The following SRGAP2C variants were observed in gnomAD, a reference collection of about 807,000 sequenced individuals.
SRGAP2C encodes the protein SLIT-ROBO Rho GTPase activating protein 2C.
In SRGAP2C, 15 loss-of-function variants were observed where a neutral mutation model predicts 25.1. The observed-to-expected ratio is 0.60, with a 90% CI of 0.40 to 0.92. The LOEUF is 0.92. Ranked by LOEUF, SRGAP2C falls within the 40% of genes least tolerant of loss-of-function variation. SRGAP2C has a pLI of 0.00. For synonymous variants in SRGAP2C, 44 were observed against 96.6 expected (o/e 0.46, Z 3.19); for missense variants, 144 against 264.4 (o/e 0.54, Z 3.16).
chr1:121,316,501 ATTAC>A (rs1658102082), intron 3 of SRGAP2C, among the ~76,000 whole-genome samples: 1 of 65,888 alleles, frequency 1.5e-5, no homozygotes, highest in Non-Finnish European at 2.9e-5. Context: ...ATGTGCTATA[ATTAC>A]TTATAGGGCT....
chr1:121,195,227 A>G (rs1170638715), intron 2 of SRGAP2C, among the ~76,000 whole-genome samples: 3 of 152,190 alleles, frequency 2.0e-5, no homozygotes, highest in Non-Finnish European at 2.9e-5. Context: ...CCTGGCCAAC[A>G]TGGTAAAACC....
intron 4 of SRGAP2C, among the ~76,000 whole-genome samples, chr1:121,336,071 G>T (rs1421390431): frequency 1.3e-5 from 2 of 151,666 alleles, no homozygotes; most frequent in Non-Finnish European, 2.9e-5. Context: ...CCTTTCTGGG[G>T]TTTCCATGGG....
At chr1:121,320,835 C>T (rs1293085381) in intron 3 of SRGAP2C, among the ~76,000 whole-genome samples, 44 of 152,062 alleles carry the variant, frequency 2.9e-4, no homozygotes, top group Non-Finnish European at 4.1e-4. Context: ...TAATAGGCAT[C>T]GCAACAACTG....
intron 2 of SRGAP2C, among the ~76,000 whole-genome samples, chr1:121,279,682 T>C (rs1657197521): frequency 7.0e-6 from 1 of 142,046 alleles, no homozygotes; most frequent in South Asian, 2.3e-4. Flanking sequence ...AGGCAGCATT[T>C]CCCAGGGGAA....
chr1:121,263,412 CAG>C (rs1656679047), intron 2 of SRGAP2C, among the ~76,000 whole-genome samples: 1 of 110,536 alleles, frequency 9.0e-6, no homozygotes, highest in Non-Finnish European at 1.7e-5. Flanking sequence ...GCCTGGGCGA[CAG>C]AGTGAGACTC....
At chr1:121,232,604 C>T (rs587684056) in intron 2 of SRGAP2C, among the ~76,000 whole-genome samples, 356 of 145,594 alleles carry the variant, frequency 2.4e-3, no homozygotes, top group Middle Eastern at 3.6e-3. Flanking sequence ...GCATAAAGCC[C>T]GTGGTTTTGC....
At chr1:121,294,275 T>A in intron 3 of SRGAP2C, among the ~76,000 whole-genome samples, 1 of 135,530 alleles carries the variant, frequency 7.4e-6, no homozygotes, top group Non-Finnish European at 1.6e-5. Context: ...ATGCTGCAGA[T>A]AGAACTGTAG....
intron 4 of SRGAP2C, among the ~76,000 whole-genome samples, chr1:121,328,912 A>C: frequency 7.0e-6 from 1 of 142,364 alleles, no homozygotes; most frequent in South Asian, 2.3e-4. Flanking sequence ...AAAACAAAAA[A>C]CAAAAAACAA....
intron 2 of SRGAP2C, among the ~76,000 whole-genome samples, chr1:121,267,886 T>G (rs1656838930): frequency 6.6e-6 from 1 of 151,656 alleles, no homozygotes; most frequent in Non-Finnish European, 1.5e-5. Flanking sequence ...TTGCTTATTT[T>G]TTTAAAAAAG....
chr1:121,367,086 C>T (rs1300388546), intron 5 of SRGAP2C, among the ~76,000 whole-genome samples: 8 of 151,770 alleles, frequency 5.3e-5, no homozygotes, highest in Non-Finnish European at 8.8e-5. Context: ...ACTTTACTGG[C>T]CATTGTGAGG....
At chr1:121,284,761 T>C in intron 2 of SRGAP2C, 42 bp from the exon 3 acceptor site, 2 of 511,978 alleles carry the variant, frequency 3.9e-6, no homozygotes, top group Non-Finnish European at 6.5e-6. Flanking sequence ...GTGGTTTATT[T>C]AGGGCTGTCT....
At chr1:121,328,878 C>T (rs1217632656) in intron 4 of SRGAP2C, among the ~76,000 whole-genome samples, 3 of 135,600 alleles carry the variant, frequency 2.2e-5, no homozygotes, top group Non-Finnish European at 4.6e-5. Context: ...CAGAGCCAGA[C>T]CCTGTCTGTT....
chr1:121,377,549 TTG>T (rs1465903659), intron 7 of SRGAP2C, among the ~76,000 whole-genome samples: 7 of 52,132 alleles, frequency 1.3e-4, no homozygotes, highest in Non-Finnish European at 2.5e-4. Flanking sequence ...GCTGTTTTGG[TTG>T]TGTCTTGTTT....
At chr1:121,268,746 G>A (rs1395096033) in intron 2 of SRGAP2C, among the ~76,000 whole-genome samples, 2 of 108,228 alleles carry the variant, frequency 1.8e-5, no homozygotes, top group African/African-American at 5.5e-5. Flanking sequence ...GAACGTGCTG[G>A]GGTGTGGTCA....
chr1:121,328,903 AAACAAAAAAC>A (rs1458610957), intron 4 of SRGAP2C, among the ~76,000 whole-genome samples: 2 of 108,184 alleles, frequency 1.8e-5, no homozygotes, highest in African/African-American at 3.4e-5. Flanking sequence ...AAAAAAAAAA[AAACAAAAAAC>A]AAAAAACAAA....
intron 2 of SRGAP2C, among the ~76,000 whole-genome samples, chr1:121,207,623 A>T (rs1263134516): frequency 4.6e-5 from 7 of 152,172 alleles, no homozygotes; most frequent in Non-Finnish European, 8.8e-5. Context: ...GCTTTGATAG[A>T]GGATTTGATT....
chr1:121,222,328 A>G (rs1655549938), intron 2 of SRGAP2C, among the ~76,000 whole-genome samples: 1 of 152,050 alleles, frequency 6.6e-6, no homozygotes, highest in Non-Finnish European at 1.5e-5. Flanking sequence ...ATTCCTTGGA[A>G]GTAAATTGAA....
At chr1:121,334,774 AAT>A (rs1185784901) in intron 4 of SRGAP2C, among the ~76,000 whole-genome samples, 11 of 149,246 alleles carry the variant, frequency 7.4e-5, no homozygotes, top group Non-Finnish European at 1.6e-4. Context: ...TGATCTGTCA[AAT>A]ATCTAATTTG....
chr1:121,300,807 CCGAGGCGGGCGGATCA>C (rs1321841074), intron 3 of SRGAP2C, among the ~76,000 whole-genome samples: 1 of 22,104 alleles, frequency 4.5e-5, no homozygotes, highest in African/African-American at 2.5e-4. Flanking sequence ...CTTTGGGAGG[CCGAGGCGGGCGGATCA>C]CGAGGTCAGG....
Sources: gnomAD v4.1 joint callset for allele counts (sites outside exome capture counted in the v4.1 genomes callset) on GRCh38, gnomAD v4.1.1 for gene constraint, MANE v1.5 for transcripts, NCBI Gene and HGNC (gene_info 2026-07-23, HGNC 2026-07-21) for gene names.